Variants in MAPK8 observed in about 807,000 individuals in gnomAD.
MAPK8 encodes the protein JUN N-terminal kinase.
A neutral mutation model predicts 52.9 loss-of-function variants in MAPK8; 13 were observed. That is an observed-to-expected ratio of 0.25 (90% CI 0.16 to 0.39). The LOEUF is 0.39. Ranked by LOEUF, MAPK8 falls within the 10% of genes least tolerant of loss-of-function variation. MAPK8 has a pLI of 1.00. For synonymous variants in MAPK8, 191 were observed against 169.8 expected, an observed-to-expected ratio of 1.12 and a Z score of -0.97; for missense variants, 300 against 519.2, an observed-to-expected ratio of 0.58 and a Z score of 4.10.
At position 48,410,328 on chromosome 10, in the gene MAPK8, A is replaced by C. The variant is rs550807117; in HGVS notation, c.450+160A>C. ...AAAATATTTTCATTACCCCCAAAAA[A>C]GTCTCCATGTTTCTTAAGCAGTTGT... On this transcript the variant is annotated intron_variant, in intron 5 of 11. Coordinates refer to ENST00000374189, the MANE Select transcript of MAPK8 (RefSeq NM_001323329.2). The C allele has an allele frequency of 6.1e-6, 3 of 489,926 alleles. No homozygotes were observed. The Admixed American group carries it at 1.2e-4, about 20-fold the overall frequency. 30.3% of individuals were successfully genotyped at this position (489,926 alleles called of 1,614,324 possible).
chr10:48,315,973 TA>T (rs1460373388), intron 1 of MAPK8, among the ~76,000 whole-genome samples: 3 of 152,160 alleles, frequency 2.0e-5, no homozygotes, highest in Non-Finnish European at 4.4e-5. Flanking sequence ...ATAATGAAAT[TA>T]GGGAGGGATT....
At chr10:48,370,395 G>A (rs1006582104) in intron 1 of MAPK8, among the ~76,000 whole-genome samples, 5 of 152,012 alleles carry the variant, frequency 3.3e-5, no homozygotes, top group African/African-American at 1.2e-4. Context: ...TATTGGTTTT[G>A]TTCAGCAGTC....
At chr10:48,371,496 G>GT (rs1368130300) in intron 1 of MAPK8, among the ~76,000 whole-genome samples, 1 of 152,036 alleles carries the variant, frequency 6.6e-6, no homozygotes, top group Non-Finnish European at 1.5e-5. Context: ...CTGTGTTATA[G>GT]TTTATAATTA....
intron 11 of MAPK8, among the ~76,000 whole-genome samples, chr10:48,432,112 G>T (rs2044343578): frequency 6.6e-6 from 1 of 152,178 alleles, no homozygotes; most frequent in Admixed American, 6.5e-5. Context: ...TGGCTACAGA[G>T]GTTAGGACAG....
In MAPK8 at chr10:48,420,286, C is replaced by A. The variant is rs55984396; in HGVS notation, c.582C>A (p.Pro194=). 3 of 1,612,340 alleles carry A rather than the reference C, an allele frequency of 1.9e-6. No individual in the cohort carries two copies. Among genetic ancestry groups the A allele is most frequent in the African/African-American group, 2.7e-5 (2 of 74,870 alleles). Residue 194 remains proline (P), a synonymous_variant, in exon 6 of 12, where the codon CCC becomes CCA. Transcript: ENST00000374189. ...PYVVTRYYRA[P]EVILGMGYKE... ...TAGTGACTCGCTACTACAGAGCACC[C>A]GAGGTCATCCTTGGCATGGGCTACA...
chr10:48,353,003 T>TA (rs79773923), intron 1 of MAPK8, among the ~76,000 whole-genome samples: 1,747 of 150,708 alleles, frequency 0.012, 23 homozygotes, highest in African/African-American at 0.031. Context: ...TTGGAATTGC[T>TA]AAAAAAAAAG....
At chr10:48,335,458 C>T (rs1019704747) in intron 1 of MAPK8, among the ~76,000 whole-genome samples, 5 of 152,122 alleles carry the variant, frequency 3.3e-5, no homozygotes, top group African/African-American at 1.2e-4. Context: ...TTACTTACTA[C>T]TCATCTCACC....
intron 5 of MAPK8, among the ~76,000 whole-genome samples, chr10:48,413,945 T>TA (rs2133119009): frequency 6.7e-6 from 1 of 150,204 alleles, no homozygotes; most frequent in Admixed American, 6.6e-5. Flanking sequence ...TTTATTCATT[T>TA]AACGTGTACC....
chr10:48,329,048 T>G (rs1346943269), intron 1 of MAPK8, among the ~76,000 whole-genome samples: 1 of 152,228 alleles, frequency 6.6e-6, no homozygotes, highest in Non-Finnish European at 1.5e-5. Flanking sequence ...GTAACTCATT[T>G]AATTATTTTA....
chr10:48,349,803 A>T (rs58181014), intron 1 of MAPK8, among the ~76,000 whole-genome samples: 1 of 152,192 alleles, frequency 6.6e-6, no homozygotes, highest in African/African-American at 2.4e-5. Flanking sequence ...AGACACGGAA[A>T]ACCCCTCAAA....
Position 48,437,774 on chromosome 10 carries a change from A to G in MAPK8, c.*2745A>G, listed in dbSNP as rs541091206. 82 of 152,348 alleles carry G rather than the reference A, an allele frequency of 5.4e-4. No individual in the cohort carries two copies. Among genetic ancestry groups the G allele is most frequent in the African/African-American group, 1.9e-3 (81 of 41,576 alleles). The allele number at this position is 152,348 out of a possible 1,614,324, so 9.4% of individuals were successfully genotyped here. A position where few individuals can be genotyped will look rare whatever the true frequency, so the allele number is the denominator to read the frequency against. ...CACAGTGTGTTCATGCCAGACTTCT[A>G]AGAGAAACACCAGCCTCTTAAATCA... On this transcript the variant is annotated 3_prime_UTR_variant, in exon 12 of 12. Transcript: ENST00000374189.
intron 1 of MAPK8, among the ~76,000 whole-genome samples, chr10:48,332,898 G>T (rs114900720): frequency 6.6e-6 from 1 of 152,138 alleles, no homozygotes; most frequent in Non-Finnish European, 1.5e-5. Flanking sequence ...TGGCCTTCAA[G>T]GAGCTTTAGG....
intron 1 of MAPK8, among the ~76,000 whole-genome samples, chr10:48,320,227 TTTTTTTTTTTTTTTTTA>T (rs1254491138): frequency 7.5e-6 from 1 of 133,156 alleles, no homozygotes; most frequent in Non-Finnish European, 1.6e-5. Flanking sequence ...TTTTTTTTTT[TTTTTTTTTTTTTTTTTA>T]AATTAGATCA....
At chr10:48,356,544 T>C (rs1259234730) in intron 1 of MAPK8, among the ~76,000 whole-genome samples, 1 of 152,042 alleles carries the variant, frequency 6.6e-6, no homozygotes, top group Non-Finnish European at 1.5e-5. Context: ...ACTGAATTTT[T>C]AAAATCCAAC....
intron 1 of MAPK8, among the ~76,000 whole-genome samples, chr10:48,362,211 C>G (rs1461169193): frequency 6.6e-6 from 1 of 152,212 alleles, no homozygotes; most frequent in African/African-American, 2.4e-5. Flanking sequence ...CTATTCATTC[C>G]CTTCACCATA....
chr10:48,358,881 G>A (rs916323165), intron 1 of MAPK8, among the ~76,000 whole-genome samples: 1 of 152,074 alleles, frequency 6.6e-6, no homozygotes, highest in African/African-American at 2.4e-5. Context: ...TTTCCCTCTT[G>A]TCTTGACACC....
chr10:48,400,931 G>A (rs565717484), intron 1 of MAPK8, among the ~76,000 whole-genome samples: 2 of 151,338 alleles, frequency 1.3e-5, no homozygotes, highest in Non-Finnish European at 2.9e-5. Context: ...GCCTCAGGCA[G>A]GATAGAATAG....
chr10:48,351,623 AG>A (rs1414994076), intron 1 of MAPK8, among the ~76,000 whole-genome samples: 1 of 152,178 alleles, frequency 6.6e-6, no homozygotes, highest in African/African-American at 2.4e-5. Context: ...AAATAGGTAA[AG>A]AAAAACCAAT....
At chr10:48,321,089 GTTTTTTTTTT>G (rs34616108) in intron 1 of MAPK8, among the ~76,000 whole-genome samples, 2 of 94,024 alleles carry the variant, frequency 2.1e-5, no homozygotes, top group Non-Finnish European at 4.0e-5. Context: ...CGTTGTAAGA[GTTTTTTTTTT>G]TTTTTTTTTT....
Sources: gnomAD v4.1 joint callset for allele counts (sites outside exome capture counted in the v4.1 genomes callset) on GRCh38, gnomAD v4.1.1 for gene constraint, MANE v1.5 for transcripts, NCBI Gene and HGNC (gene_info 2026-07-23, HGNC 2026-07-21) for gene names.